The following SLC7A1 variants were observed in gnomAD, a reference collection of about 807,000 sequenced individuals.
The protein encoded by SLC7A1 is solute carrier family 7 member 1, also known as high affinity cationic amino acid transporter 1.
Under a neutral mutation model 53.9 loss-of-function variants are expected in SLC7A1, and 10 were observed. The observed-to-expected ratio is 0.19, with a 90% CI of 0.11 to 0.31. The LOEUF (loss-of-function observed/expected upper bound fraction) is 0.31. Ranked by LOEUF, SLC7A1 falls within the 10% of genes least tolerant of loss-of-function variation. SLC7A1 has a pLI of 1.00. For missense variants in SLC7A1, 525 were observed against 827.2 expected (o/e 0.63, Z 4.48); for synonymous variants, 342 against 338.7 (o/e 1.01, Z -0.11).
At chr13:29,543,487 G>A (rs1475829934) in intron 2 of SLC7A1, among the ~76,000 whole-genome samples, 1 of 152,180 alleles carries the variant, frequency 6.6e-6, no homozygotes, top group East Asian at 1.9e-4. Flanking sequence ...CCCGCCACAC[G>A]CTTCTGCCTA....
chr13:29,585,488 C>T (rs947474538), intron 1 of SLC7A1, among the ~76,000 whole-genome samples: 1 of 152,126 alleles, frequency 6.6e-6, no homozygotes, highest in African/African-American at 2.4e-5. Context: ...ATCTATATAT[C>T]AATATGTGTG....
chr13:29,530,538 T>C lies in SLC7A1; in HGVS notation c.704A>G (p.Asn235Ser). The C allele has an allele frequency of 3.7e-6, 6 of 1,613,704 alleles. No individual in the cohort carries two copies. Among genetic ancestry groups the C allele is most frequent in the Non-Finnish European group, 5.1e-6 (6 of 1,179,714 alleles). ...AAAATGGTCAGAAGCAGCAACTCAC[T>C]TGTTCAAACAGAGACGGCCTGATGT... ...GNTSGRLCLN[N>S]DTKEGKPGVG... The change falls in exon 5 of 13, where the codon AAT becomes AGT. Residue 235 changes from asparagine to serine, a missense_variant and splice_region_variant. Around this residue, in one of 4 missense-constraint regions of SLC7A1, gnomAD observed 354 missense variants for 587.5 expected, o/e 0.60. Transcript: ENST00000380752.
intron 2 of SLC7A1, among the ~76,000 whole-genome samples, chr13:29,545,414 C>A (rs573573251): frequency 6.6e-6 from 1 of 152,076 alleles, no homozygotes; most frequent in Non-Finnish European, 1.5e-5. Context: ...GGCCCAAATT[C>A]ATTGTGTTCA....
chr13:29,589,624 G>C (rs1872022012), intron 1 of SLC7A1, among the ~76,000 whole-genome samples: 2 of 152,304 alleles, frequency 1.3e-5, no homozygotes, highest in South Asian at 4.2e-4. Flanking sequence ...GGGGAGGCAG[G>C]GTGCCCTCCA....
At chr13:29,593,454 A>G (rs897789610) in intron 1 of SLC7A1, among the ~76,000 whole-genome samples, 6 of 152,250 alleles carry the variant, frequency 3.9e-5, no homozygotes, top group Non-Finnish European at 8.8e-5. Context: ...AGACTCAAGT[A>G]TCTCCAAGGT....
chr13:29,516,067 T>C (rs745681874), intron 12 of SLC7A1, 71 bp downstream of exon 12: 251 of 891,676 alleles, frequency 2.8e-4, no homozygotes, highest in Non-Finnish European at 4.0e-4. Flanking sequence ...CATTCTGTTA[T>C]GAAATCTGAA....
chr13:29,519,833 C>T (rs1032180399), intron 8 of SLC7A1, among the ~76,000 whole-genome samples: 56 of 152,122 alleles, frequency 3.7e-4, no homozygotes, highest in African/African-American at 1.3e-3. Context: ...TGTAAGCCAT[C>T]CCTACATTAT....
chr13:29,530,096 T>C (rs1230338602), intron 5 of SLC7A1, among the ~76,000 whole-genome samples: 1 of 152,202 alleles, frequency 6.6e-6, no homozygotes, highest in Non-Finnish European at 1.5e-5. Context: ...TTCACCTATT[T>C]CTCTTCCCTC....
At chr13:29,594,030 T>C (rs1593589783) in intron 1 of SLC7A1, among the ~76,000 whole-genome samples, 1 of 152,382 alleles carries the variant, frequency 6.6e-6, no homozygotes, top group East Asian at 1.9e-4. Flanking sequence ...TAAGACCTTT[T>C]GTTTTAATAA....
intron 1 of SLC7A1, among the ~76,000 whole-genome samples, chr13:29,563,393 T>C (rs1040818032): frequency 6.6e-6 from 1 of 152,240 alleles, no homozygotes; most frequent in Non-Finnish European, 1.5e-5. Flanking sequence ...ACTATTTAAA[T>C]TGTAATATTA....
At chr13:29,585,066 G>A (rs1490672084) in intron 1 of SLC7A1, among the ~76,000 whole-genome samples, 1 of 152,284 alleles carries the variant, frequency 6.6e-6, no homozygotes, top group Middle Eastern at 3.4e-3. Flanking sequence ...TCAGGTTAAC[G>A]AAGGACAGAT....
chr13:29,519,665 C>A, intron 8 of SLC7A1, 116 bp from the exon 9 acceptor site: 2 of 597,242 alleles, frequency 3.3e-6, no homozygotes, highest in South Asian at 2.0e-5. Flanking sequence ...TACTCCCACC[C>A]CCTCCCTGGC....
At chr13:29,531,123 ACTTTG>A (rs2139094868) in intron 4 of SLC7A1, among the ~76,000 whole-genome samples, 1 of 152,280 alleles carries the variant, frequency 6.6e-6, no homozygotes, top group East Asian at 1.9e-4. Context: ...AGGAAGAAAG[ACTTTG>A]CATAGTTTCC....
chr13:29,567,750 C>T (rs184655460), intron 1 of SLC7A1, among the ~76,000 whole-genome samples: 12 of 152,224 alleles, frequency 7.9e-5, no homozygotes, highest in East Asian at 1.9e-4. Context: ...GCCAGGAGCT[C>T]GGGAGAGCAG....
chr13:29,520,399 C>T (rs533338291), intron 8 of SLC7A1, among the ~76,000 whole-genome samples: 12 of 152,200 alleles, frequency 7.9e-5, no homozygotes, highest in African/African-American at 2.2e-4. Context: ...CCCAGGCAGG[C>T]GGGCAGGAGA....
intron 5 of SLC7A1, 76 bp downstream of exon 5, chr13:29,530,462 C>T: frequency 7.6e-7 from 1 of 1,315,512 alleles, no homozygotes; most frequent in Non-Finnish European, 1.1e-6. Flanking sequence ...ACATGCCATC[C>T]TAGCCAGTTA....
chr13:29,563,056 C>A (rs1870827018), intron 1 of SLC7A1, among the ~76,000 whole-genome samples: 1 of 152,232 alleles, frequency 6.6e-6, no homozygotes, highest in Non-Finnish European at 1.5e-5. Context: ...TGGTGTAAAT[C>A]TAATGATGGC....
In SLC7A1 at chr13:29,514,119, G is replaced by T. The variant is rs1883481085; in HGVS notation, c.*361C>A. On this transcript the variant is annotated 3_prime_UTR_variant, in exon 13 of 13. Coordinates refer to ENST00000380752, the MANE Select transcript of SLC7A1 (RefSeq NM_003045.5). ...TCAATCCCAGAACAGTCCCCGGGAG[G>T]AAGGCCTGGTTCCCAAGATAAGGAG... 3.9e-6 allele frequency: 1 copy of T among 258,940 alleles called. No individual in the cohort carries two copies. Among genetic ancestry groups the T allele is most frequent in the African/African-American group, 2.2e-5 (1 of 45,534 alleles). The allele number at this position is 258,940 out of a possible 1,614,324, so 16.0% of individuals were successfully genotyped here.
intron 12 of SLC7A1, among the ~76,000 whole-genome samples, chr13:29,515,127 CT>C (rs1883517526): frequency 6.6e-6 from 1 of 152,240 alleles, no homozygotes. Flanking sequence ...ACCTATGCTT[CT>C]TACCACCTGC....
Sources: gnomAD v4.1 joint callset for allele counts (sites outside exome capture counted in the v4.1 genomes callset) on GRCh38, gnomAD v4.1.1 for gene constraint, gnomAD v4.1.1 regional missense constraint, MANE v1.5 for transcripts, NCBI Gene and HGNC (gene_info 2026-07-23, HGNC 2026-07-21) for gene names.